DOCK1: variants seen among roughly 807,000 people sequenced by gnomAD.
The protein encoded by DOCK1 is dedicator of cytokinesis protein 1.
DOCK1 carries 138 observed loss-of-function variants against 262.7 expected under a neutral mutation model. That is an observed-to-expected ratio of 0.53 (90% confidence interval 0.46 to 0.61). The LOEUF is 0.61. DOCK1 is among the 20% of genes least tolerant of loss of function. The pLI, the probability that DOCK1 is intolerant of heterozygous loss-of-function variation, is 0.00. For synonymous variants in DOCK1, 866 were observed against 867.4 expected, an observed-to-expected ratio of 1.00 and a Z score of 0.03; for missense variants, 1,908 against 2,370.7, an observed-to-expected ratio of 0.80 and a Z score of 4.05.
chr10:126,993,541 G>A (rs4750951), intron 6 of DOCK1, among the ~76,000 whole-genome samples: 35,775 of 152,206 alleles, frequency 0.24, 4,708 homozygotes, highest in South Asian at 0.38. Flanking sequence ...GGAGGAGCTT[G>A]CTTTGTTAGT....
chr10:127,246,420 T>C (rs1681892165), intron 27 of DOCK1, among the ~76,000 whole-genome samples: 1 of 152,242 alleles, frequency 6.6e-6, no homozygotes, highest in Admixed American at 6.5e-5. Flanking sequence ...CATCTCATTG[T>C]CATAAGGAGT....
intron 13 of DOCK1, among the ~76,000 whole-genome samples, chr10:127,021,088 G>A (rs1013254858): frequency 1.3e-5 from 2 of 152,174 alleles, no homozygotes; most frequent in Non-Finnish European, 1.5e-5. Flanking sequence ...AGGGTCTATG[G>A]TGAATGCCCA....
At chr10:127,408,291 T>C (rs976902716) in intron 40 of DOCK1, among the ~76,000 whole-genome samples, 4 of 152,186 alleles carry the variant, frequency 2.6e-5, no homozygotes, top group African/African-American at 9.7e-5. Context: ...AAAAGTGTCA[T>C]TTGAGATGGA....
chr10:126,921,198 T>TAAAA (rs1564983824), intron 1 of DOCK1, among the ~76,000 whole-genome samples: 1 of 76,682 alleles, frequency 1.3e-5, no homozygotes, highest in African/African-American at 4.4e-5. Context: ...AGACTCTATC[T>TAAAA]CAAAAAAAAA....
At chr10:127,192,941 C>T (rs1027489478) in intron 27 of DOCK1, among the ~76,000 whole-genome samples, 2 of 152,122 alleles carry the variant, frequency 1.3e-5, no homozygotes, top group Non-Finnish European at 2.9e-5. Context: ...TGAAGTTTCA[C>T]TACATATATA....
chr10:127,144,610 T>G lies in DOCK1; in HGVS notation c.2847+16846T>G, dbSNP rs2051612699. The stretch of plus-strand genomic sequence containing the variant: ...CTGTTTTCATTTAAAATTTATACAT[T>G]TGTATAATTCTATTTATTCTGTCTA... On this transcript the variant is annotated intron_variant, in intron 27 of 51. Coordinates refer to ENST00000623213, the MANE Select transcript of DOCK1 (RefSeq NM_001290223.2). Among the ~76,000 whole-genome samples the G allele has an allele frequency of 2.0e-5, 3 of 152,258 alleles. No homozygotes were observed. The South Asian group carries it at 6.2e-4, about 31-fold the overall frequency.
intron 23 of DOCK1, among the ~76,000 whole-genome samples, chr10:127,093,350 ATCC>A (rs1337975487): frequency 4.2e-5 from 6 of 144,578 alleles, no homozygotes; most frequent in Non-Finnish European, 6.0e-5. Flanking sequence ...GGCTCAAGTA[ATCC>A]TCCTACCTCA....
chr10:127,217,610 A>T (rs1160207071), intron 27 of DOCK1, among the ~76,000 whole-genome samples: 1 of 152,220 alleles, frequency 6.6e-6, no homozygotes, highest in Non-Finnish European at 1.5e-5. Flanking sequence ...CTTGTTTCAG[A>T]TATATAAGGC....
intron 23 of DOCK1, among the ~76,000 whole-genome samples, chr10:127,091,527 C>T (rs1022527861): frequency 3.9e-5 from 6 of 152,210 alleles, no homozygotes; most frequent in African/African-American, 9.7e-5. Flanking sequence ...TCTCTGAGAT[C>T]TTCACTGGGG....
At chr10:127,178,574 G>GC (rs1319937517) in intron 27 of DOCK1, among the ~76,000 whole-genome samples, 7 of 152,204 alleles carry the variant, frequency 4.6e-5, no homozygotes, top group Non-Finnish European at 8.8e-5. Context: ...GATGCCTCGG[G>GC]CTCTTGTTCG....
chr10:127,039,603 G>A (rs961978539), intron 19 of DOCK1, among the ~76,000 whole-genome samples: 2 of 152,100 alleles, frequency 1.3e-5, no homozygotes, highest in African/African-American at 4.8e-5. Context: ...CTTTTTCTCT[G>A]CTGGCGTGTC....
At chr10:127,305,930 G>A (rs897799068) in intron 29 of DOCK1, among the ~76,000 whole-genome samples, 7 of 152,178 alleles carry the variant, frequency 4.6e-5, no homozygotes, top group Non-Finnish European at 7.4e-5. Context: ...CAGCACTGTG[G>A]CATCTATGCA....
At position 127,056,930 on chromosome 10, in the gene DOCK1, C is replaced by T. The variant is rs552853874; in HGVS notation, c.2336+4115C>T. 7.2e-5 allele frequency among the ~76,000 whole-genome samples: 11 copies of T among 152,300 alleles called. No homozygotes were observed. The East Asian group carries it at 2.1e-3, about 29-fold the overall frequency. ...GCCCTTAGAATATTGGACGGTAGGG[C>T]AGAAGTCTTCTAGTAATCCCTCCCC... On this transcript the variant is annotated intron_variant, in intron 22 of 51. Transcript: ENST00000623213.
chr10:126,911,573 A>T (rs539208130), intron 1 of DOCK1, among the ~76,000 whole-genome samples: 1 of 152,312 alleles, frequency 6.6e-6, no homozygotes, highest in Admixed American at 6.5e-5. Context: ...GAAGGCCTTC[A>T]GGGAGGAAAT....
At chr10:127,166,715 T>C (rs975536543) in intron 27 of DOCK1, among the ~76,000 whole-genome samples, 1 of 152,246 alleles carries the variant, frequency 6.6e-6, no homozygotes, top group Non-Finnish European at 1.5e-5. Flanking sequence ...CATTTTTGCA[T>C]AGCTTAGCAG....
intron 27 of DOCK1, among the ~76,000 whole-genome samples, chr10:127,227,105 G>A (rs2058672026): frequency 6.6e-6 from 1 of 152,190 alleles, no homozygotes; most frequent in Non-Finnish European, 1.5e-5. Flanking sequence ...TCTCGTTGAA[G>A]TCCAGTTCTC....
In DOCK1 at chr10:127,175,958, A is replaced by T. The variant is rs772878195; in HGVS notation, c.2847+48194A>T. The T allele has an allele frequency of 3.4e-5, 55 of 1,614,120 alleles. No individual in the cohort carries two copies. The highest frequency in any genetic ancestry group is 4.7e-5 in the Non-Finnish European group (55 of 1,180,018). On this transcript the variant is annotated intron_variant, in intron 27 of 51. Transcript: ENST00000623213. This position sits in a 1 kb window ranked among gnomAD's most constrained non-coding sequence, Gnocchi z 6.3. ...GTCCAGCCTCGTTCTTCTCTTTCGCATCTGTTAGAAACCCATTGTTTTGGC... is the reference window on the plus strand; with the variant it reads ...GTCCAGCCTCGTTCTTCTCTTTCGCTTCTGTTAGAAACCCATTGTTTTGGC...
At chr10:127,239,343 A>G (rs2059181696) in intron 27 of DOCK1, among the ~76,000 whole-genome samples, 1 of 152,196 alleles carries the variant, frequency 6.6e-6, no homozygotes, top group African/African-American at 2.4e-5. Context: ...CTATAATCTC[A>G]TATTTCAAAG....
intron 22 of DOCK1, among the ~76,000 whole-genome samples, chr10:127,055,723 A>G (rs2045097907): frequency 6.6e-6 from 1 of 152,180 alleles, no homozygotes; most frequent in Non-Finnish European, 1.5e-5. Flanking sequence ...TTTGGGAGTC[A>G]ATCTCTGAGA....
Sources: gnomAD v4.1 joint callset for allele counts (sites outside exome capture counted in the v4.1 genomes callset) on GRCh38, gnomAD v4.1.1 for gene constraint, Gnocchi (gnomAD v3.1) non-coding constraint, MANE v1.5 for transcripts, NCBI Gene and HGNC (gene_info 2026-07-23, HGNC 2026-07-21) for gene names.